The following DCLRE1A variants were observed in gnomAD, a reference collection of about 807,000 sequenced individuals.
The protein encoded by DCLRE1A is DNA cross-link repair 1A.
In DCLRE1A, 64 loss-of-function variants were observed where a neutral mutation model predicts 91.9. The observed-to-expected ratio is 0.70, with a 90% CI of 0.57 to 0.86. The LOEUF (loss-of-function observed/expected upper bound fraction) is 0.86, where lower values mean the gene tolerates loss of function less well. Ranked by LOEUF, DCLRE1A falls within the 40% of genes least tolerant of loss-of-function variation. The probability of loss-of-function intolerance (pLI) is 0.00; values close to 1 mark genes in which losing one functional copy is unlikely to be tolerated. For missense variants in DCLRE1A, 1,145 were observed against 1,213.3 expected, an observed-to-expected ratio of 0.94 and a Z score of 0.84; for synonymous variants, 416 against 431.1, an observed-to-expected ratio of 0.96 and a Z score of 0.43.
rs1845675175 is a variant in DCLRE1A at position 113,852,737 on chromosome 10, G to A, written c.446C>T (p.Pro149Leu). 2 of 1,613,770 alleles carry A rather than the reference G, an allele frequency of 1.2e-6. No homozygotes were observed. The highest frequency in any genetic ancestry group is 2.7e-5 in the African/African-American group (2 of 74,882). ...WHVFECLDSP[P>L]RSETECPDGL... is the part of the protein sequence containing the mutation. ...TGCAGTCTTACCTGTTTCAGAGCGT[G>A]GTGGAGAATCCAAACATTCAAAAAC... The change falls in exon 1 of 9, where the codon CCA (proline) becomes CTA (leucine). Residue 149 changes from proline to leucine, a missense_variant. Pro to Leu is a moderately conservative substitution (Grantham distance 98). Transcript: ENST00000361384.
Position 113,853,048 on chromosome 10 carries a change from T to C in DCLRE1A, c.135A>G (p.Ser45=). 6.2e-7 allele frequency: 1 copy of C among 1,614,006 alleles called. No homozygotes were observed. Among genetic ancestry groups the C allele is most frequent in the Non-Finnish European group, 8.5e-7 (1 of 1,180,022 alleles). Residue 45 remains serine (S), a synonymous_variant, in exon 1 of 9, where the codon TCA becomes TCG. Transcript: ENST00000361384. ...VEKATDGKYQ[S]KRSRNRKRAA... The stretch of plus-strand genomic sequence containing the variant: ...CTCTTTTTCTGTTTCTACTCCGTTT[T>C]GACTGGTATTTTCCATCTGTTGCTT...
intron 7 of DCLRE1A, among the ~76,000 whole-genome samples, chr10:113,838,590 C>T (rs1321922509): frequency 6.6e-6 from 1 of 152,196 alleles, no homozygotes; most frequent in East Asian, 1.9e-4. Flanking sequence ...GAACTATTCT[C>T]ATGAGGAAAT....
chr10:113,853,277 G>A lies in DCLRE1A; in HGVS notation c.-95C>T. ...CAAAAAGTTATAGAATTATTTTGCTGAGAAAAAAAACAAAGGTAACAAAAC... is the reference window on the plus strand; with the variant it reads ...CAAAAAGTTATAGAATTATTTTGCTAAGAAAAAAAACAAAGGTAACAAAAC... On this transcript the variant is annotated 5_prime_UTR_variant, in exon 1 of 9. Transcript: ENST00000361384. The A allele has an allele frequency of 8.0e-7, 1 of 1,246,110 alleles. No individual in the cohort carries two copies. The allele number at this position is 1,246,110 out of a possible 1,614,324, so 77.2% of individuals were successfully genotyped here.
Position 113,849,509 on chromosome 10 carries a change from C to G in DCLRE1A, c.1596G>C (p.Pro532=), listed in dbSNP as rs181214695. ...CAGAAGGCAATATTTTCAAATACTT[C>G]GGAGCAGGTGTACTAGACAAGTTTT... ...NTENLSSTPA[P]KYLKILPSGL... is the part of the protein sequence containing the mutation. Residue 532 remains proline (P), a synonymous_variant, in exon 2 of 9, where the codon CCG becomes CCC. Transcript: ENST00000361384. The G allele has an allele frequency of 1.2e-6, 2 of 1,613,894 alleles. 1 individual carries two copies. The highest frequency in any genetic ancestry group is 2.2e-5 in the South Asian group (2 of 91,078).
Position 113,853,457 on chromosome 10 carries a change from G to C in DCLRE1A, c.-275C>G. The C allele has an allele frequency of 3.3e-6, 1 of 299,902 alleles. No homozygotes were observed. Among genetic ancestry groups the C allele is most frequent in the Non-Finnish European group, 6.1e-6 (1 of 164,462 alleles). The allele number at this position is 299,902 out of a possible 1,614,324, so 18.6% of individuals were successfully genotyped here. Reference sequence around the variant, plus strand: ...AGCAACTGTGAAGTTCTCCATTATGGGTGCTATTTCATTCAAATATCTTGT... The same window carrying C: ...AGCAACTGTGAAGTTCTCCATTATGCGTGCTATTTCATTCAAATATCTTGT... On this transcript the variant is annotated 5_prime_UTR_variant, in exon 1 of 9. Transcript: ENST00000361384.
In DCLRE1A at chr10:113,850,494, C is replaced by T. The variant is rs149405730; in HGVS notation, c.611G>A (p.Gly204Asp). 2.5e-6 allele frequency: 4 copies of T among 1,613,960 alleles called. No individual in the cohort carries two copies. Among genetic ancestry groups the T allele is most frequent in the African/African-American group, 2.7e-5 (2 of 74,932 alleles). Reference sequence around the variant, plus strand: ...TCTTTCCTCAAGGCTACAAAGGACGCCTGACTTAGTCTCACTGAAACTGCC... The same window carrying T: ...TCTTTCCTCAAGGCTACAAAGGACGTCTGACTTAGTCTCACTGAAACTGCC... The part of the protein sequence containing the change: ...SGGSFSETKS[G>D]VLCSLEERWS... Residue 204 changes from glycine to aspartate, a missense_variant, in exon 2 of 9, where the codon GGC (glycine) becomes GAC (aspartate). By Grantham distance (94) the Gly-to-Asp change is moderately conservative. Coordinates refer to ENST00000361384, the MANE Select transcript of DCLRE1A (RefSeq NM_014881.5).
At chr10:113,848,447 A>T (rs1845578331) in intron 2 of DCLRE1A, among the ~76,000 whole-genome samples, 1 of 152,244 alleles carries the variant, frequency 6.6e-6, no homozygotes, top group Non-Finnish European at 1.5e-5. Flanking sequence ...ACATCAATAA[A>T]GCACTTTAAA....
chr10:113,849,316 A>G lies in DCLRE1A; in HGVS notation c.1789T>C (p.Ser597Pro), dbSNP rs1411789582. The G allele has an allele frequency of 6.2e-7, 1 of 1,614,188 alleles. No homozygotes were observed. Among genetic ancestry groups the G allele is most frequent in the Non-Finnish European group, 8.5e-7 (1 of 1,180,034 alleles). The change falls in exon 2 of 9, where the codon TCG (serine) becomes CCG (proline). Residue 597 changes from serine to proline, a missense_variant. Physicochemically the swap from Ser to Pro is moderately conservative, Grantham distance 74. Coordinates refer to ENST00000361384, the MANE Select transcript of DCLRE1A (RefSeq NM_014881.5). ...PVPSPNQKRSSQCKRKAEKSL... is the reference protein window; with the variant it reads ...PVPSPNQKRSPQCKRKAEKSL... ...TTTTCTGCTTTCCTCTTGCACTGCG[A>G]GGACCTCTTTTGATTAGGACTTGGA... is the stretch of plus-strand genomic sequence containing the variant.
chr10:113,840,958 T>C (rs770892677), intron 7 of DCLRE1A, among the ~76,000 whole-genome samples: 3 of 152,204 alleles, frequency 2.0e-5, no homozygotes, highest in African/African-American at 4.8e-5. Context: ...ACACTTCCAC[T>C]ATTTCATTTA....
intron 8 of DCLRE1A, among the ~76,000 whole-genome samples, 187 bp from the exon 9 acceptor site, chr10:113,835,499 C>T (rs1012121953): frequency 6.6e-6 from 1 of 152,190 alleles, no homozygotes; most frequent in Non-Finnish European, 1.5e-5. Context: ...AAGATTAAGA[C>T]ATTAAAATGA....
At position 113,845,803 on chromosome 10, in the gene DCLRE1A, T is replaced by C. The variant is rs201061222; in HGVS notation, c.2260A>G (p.Ile754Val). 12 of 1,612,946 alleles carry C rather than the reference T, an allele frequency of 7.4e-6. No homozygotes were observed. The highest frequency in any genetic ancestry group is 1.3e-5 in the African/African-American group (1 of 75,036). The change falls in exon 4 of 9, where the codon ATA becomes GTA. Residue 754 changes from isoleucine (I) to valine (V), a missense_variant and splice_region_variant. Physicochemically the swap from Ile to Val is conservative, Grantham distance 29 (BLOSUM62 3). Coordinates refer to ENST00000361384, the MANE Select transcript of DCLRE1A (RefSeq NM_014881.5). Reference protein sequence around the residue: ...HFTFPVYCSEITGNLLKNKLH... With the variant: ...HFTFPVYCSEVTGNLLKNKLH... ...TTGTTCTTCAACAAATTGCCAGTTA[T>C]CTGCAAAACAGGACGTGCTTATTGC...
Position 113,849,454 on chromosome 10 carries a change from T to C in DCLRE1A, c.1651A>G (p.Thr551Ala), listed in dbSNP as rs774020173. The C allele has an allele frequency of 1.2e-6, 2 of 1,614,016 alleles. No individual in the cohort carries two copies. The highest frequency in any genetic ancestry group is 2.2e-5 in the East Asian group (1 of 44,888). The change falls in exon 2 of 9, where the codon ACC becomes GCC. Residue 551 changes from threonine to alanine, a missense_variant. Thr to Ala is a moderately conservative substitution (Grantham distance 58, BLOSUM62 0). Transcript: ENST00000361384. ...GLKYNARHPSTKVMKQMDIGV... is the reference protein window; with the variant it reads ...GLKYNARHPSAKVMKQMDIGV... Reference sequence around the variant, plus strand: ...ATATCCATTTGCTTCATTACCTTGGTAGAAGGATGTCTTGCATTATACTTA... The same window carrying C: ...ATATCCATTTGCTTCATTACCTTGGCAGAAGGATGTCTTGCATTATACTTA...
intron 2 of DCLRE1A, among the ~76,000 whole-genome samples, chr10:113,847,564 CA>C: frequency 1.4e-5 from 1 of 72,972 alleles, no homozygotes; most frequent in African/African-American, 3.2e-5. Flanking sequence ...ATAATTGCAC[CA>C]AAAAAAATTT....
chr10:113,850,517 G>A lies in DCLRE1A; in HGVS notation c.588C>T (p.Gly196=). 1 of 1,614,070 alleles carries A rather than the reference G, an allele frequency of 6.2e-7. No individual in the cohort carries two copies. Among genetic ancestry groups the A allele is most frequent in the Non-Finnish European group, 8.5e-7 (1 of 1,179,992 alleles). The stretch of plus-strand genomic sequence containing the variant: ...CGCCTGACTTAGTCTCACTGAAACT[G>A]CCACCTGACGCAGGTGATGGGCTGC... ...PFSSPSPASG[G]SFSETKSGVL... is the part of the protein sequence containing the mutation. The change falls in exon 2 of 9, where the codon GGC becomes GGT. Residue 196 remains glycine, a synonymous_variant. Transcript: ENST00000361384.
intron 3 of DCLRE1A, 29 bp from the exon 4 acceptor site, chr10:113,845,832 T>G: frequency 6.5e-7 from 1 of 1,530,596 alleles, no homozygotes; most frequent in Non-Finnish European, 9.1e-7. Flanking sequence ...TTATTGCTGA[T>G]GCAGTAAAAC....
At position 113,852,606 on chromosome 10, in the gene DCLRE1A, T is replaced by C. The variant is rs958742400; in HGVS notation, c.460+117A>G. The C allele has an allele frequency of 8.3e-6, 8 of 958,726 alleles. No individual in the cohort carries two copies. The African/African-American group carries it at 1.2e-4, about 14-fold the overall frequency. The allele number at this position is 958,726 out of a possible 1,614,324, so 59.4% of individuals were successfully genotyped here. ...CGTTGACTGGTATGGTGTTTCCCAG[T>C]GTCTCATCTCTCTTTTAGGTTACTG... On this transcript the variant is annotated intron_variant, in intron 1 of 8. Coordinates refer to ENST00000361384, the MANE Select transcript of DCLRE1A (RefSeq NM_014881.5).
chr10:113,849,779 T>A lies in DCLRE1A; in HGVS notation c.1326A>T (p.Lys442Asn). Residue 442 changes from lysine (K) to asparagine (N), a missense_variant, in exon 2 of 9, where the codon AAA becomes AAT. Coordinates refer to ENST00000361384, the MANE Select transcript of DCLRE1A (RefSeq NM_014881.5). ...ATGATTCTTCAATTACCTGTTTCTG[T>A]TTATTTGATTGAGCTGAGTGAAATT... ...EPEFHSAQSN[K>N]QKQVIEESSV... 1 of 1,614,184 alleles carries A rather than the reference T, an allele frequency of 6.2e-7. No individual in the cohort carries two copies. Among genetic ancestry groups the A allele is most frequent in the Non-Finnish European group, 8.5e-7 (1 of 1,180,038 alleles).
At chr10:113,836,124 T>G (rs992129435) in intron 8 of DCLRE1A, among the ~76,000 whole-genome samples, 3 of 152,152 alleles carry the variant, frequency 2.0e-5, no homozygotes, top group Non-Finnish European at 4.4e-5. Context: ...GTCATGCTTC[T>G]TGTTAAGCCT....
chr10:113,848,877 C>CA, intron 2 of DCLRE1A, 103 bp downstream of exon 2: 2 of 1,100,638 alleles, frequency 1.8e-6, no homozygotes, highest in Non-Finnish European at 2.6e-6. Flanking sequence ...GAAACACATA[C>CA]AAAAAATTGT....
Sources: gnomAD v4.1 joint callset for allele counts (sites outside exome capture counted in the v4.1 genomes callset) on GRCh38, gnomAD v4.1.1 for gene constraint, MANE v1.5 for transcripts, NCBI Gene and HGNC (gene_info 2026-07-23, HGNC 2026-07-21) for gene names.